NEB: variants seen among roughly 807,000 people sequenced by gnomAD.
NEB encodes the protein nemaline myopathy type 2.
NEB carries 512 observed loss-of-function variants against 952.2 expected under a neutral mutation model. The observed-to-expected ratio is 0.54, with a 90% CI of 0.50 to 0.58. The LOEUF is 0.58. NEB is among the 20% of genes least tolerant of loss of function. The probability of loss-of-function intolerance (pLI) is 0.00; values close to 1 mark genes in which losing one functional copy is unlikely to be tolerated. For missense variants in NEB, 8,428 were observed against 9,231.1 expected, an observed-to-expected ratio of 0.91 and a Z score of 3.56; for synonymous variants, 2,900 against 3,149.8, an observed-to-expected ratio of 0.92 and a Z score of 2.66.
Position 151,508,040 on chromosome 2 carries a change from G to C in NEB, c.23416C>G (p.Gln7806Glu), listed in dbSNP as rs750689059. The C allele has an allele frequency of 1.4e-5, 23 of 1,610,766 alleles. 1 individual carries two copies. The highest frequency in any genetic ancestry group is 8.0e-5 in the African/African-American group (6 of 74,862). ...YETVLDTPEIQRVRENQKNFS... is the reference protein window; with the variant it reads ...YETVLDTPEIERVRENQKNFS... ...TTCTTTTGGTTCTCCCGGACTCTCT[G>C]TATCTCTGGGGTGTCCAAAACAGTC... Residue 7806 changes from glutamine (Q) to glutamate (E), a missense_variant, in exon 162 of 182, where the codon CAG becomes GAG. Physicochemically the swap from Gln to Glu is conservative, Grantham distance 29. Transcript: ENST00000397345.
chr2:151,679,037 G>A (rs1234314858), intron 32 of NEB, among the ~76,000 whole-genome samples: 2 of 152,104 alleles, frequency 1.3e-5, no homozygotes, highest in Non-Finnish European at 2.9e-5. Flanking sequence ...GAGGAGACCC[G>A]CAGGAGGAGG....
intron 54 of NEB, among the ~76,000 whole-genome samples, chr2:151,648,410 C>G (rs966509453): frequency 2.0e-5 from 3 of 152,146 alleles, no homozygotes; most frequent in South Asian, 4.1e-4. Context: ...TTCTGCACTA[C>G]CCTTTTGGAT....
intron 173 of NEB, among the ~76,000 whole-genome samples, 198 bp from the exon 174 acceptor site, chr2:151,494,451 C>T (rs945753793): frequency 2.0e-5 from 3 of 152,118 alleles, no homozygotes; most frequent in Non-Finnish European, 4.4e-5. Context: ...GGCACCTGCC[C>T]TGAAACCCTT....
chr2:151,678,247 T>C (rs971575842), intron 32 of NEB, 60 bp from the exon 33 acceptor site: 17 of 1,099,460 alleles, frequency 1.5e-5, no homozygotes, highest in Middle Eastern at 5.6e-4. Flanking sequence ...TACTAAACAA[T>C]GAGGCCATGA....
intron 63 of NEB, 64 bp downstream of exon 63, chr2:151,639,216 T>C: frequency 8.0e-7 from 1 of 1,255,790 alleles, no homozygotes; most frequent in South Asian, 1.3e-5. Context: ...TGGTATCATG[T>C]CATCATAGAG....
In NEB at chr2:151,672,639, A is replaced by G. The variant is rs758866056; in HGVS notation, c.4029T>C (p.His1343=). The change falls in exon 37 of 182, where the codon CAT becomes CAC. Residue 1343 remains histidine (H), a synonymous_variant. Coordinates refer to ENST00000397345, the MANE Select transcript of NEB (RefSeq NM_001164508.2). ...KEAYEKSKGK[H]VGFRSLQDDP... ...CATCCTGGAGGCTTCTGAAACCCAC[A>G]TGCTTTCCCTTTGACTTCTCATAAG... 6.2e-7 allele frequency: 1 copy of G among 1,613,924 alleles called. No homozygotes were observed. Among genetic ancestry groups the G allele is most frequent in the Non-Finnish European group, 8.5e-7 (1 of 1,179,844 alleles).
chr2:151,650,843 C>T lies in NEB; in HGVS notation c.6958G>A (p.Val2320Ile). 1 of 1,613,642 alleles carries T rather than the reference C, an allele frequency of 6.2e-7. No individual in the cohort carries two copies. The highest frequency in any genetic ancestry group is 8.5e-7 in the Non-Finnish European group (1 of 1,179,644). ...QGYRKQLGHH[V>I]GFRSLQDDPK... ...TCATCTTGCAGACTCCGGAATCCAA[C>T]ATGGTGGCCAAGTTGCTTTCGGTAG... The change falls in exon 53 of 182, where the codon GTT (valine) becomes ATT (isoleucine). Residue 2320 changes from valine to isoleucine, a missense_variant. By Grantham distance (29) the Val-to-Ile change is conservative (BLOSUM62 3). Coordinates refer to ENST00000397345, the MANE Select transcript of NEB (RefSeq NM_001164508.2).
chr2:151,517,567 A>G (rs1490897536), intron 156 of NEB, among the ~76,000 whole-genome samples: 2 of 152,160 alleles, frequency 1.3e-5, no homozygotes, highest in African/African-American at 4.8e-5. Context: ...TTGTTATGCA[A>G]TTTCATCATT....
chr2:151,576,506 ATATATATATATTTTTTTTTTTTTTTT>A (rs1475513125), intron 105 of NEB, among the ~76,000 whole-genome samples, 152 bp from the exon 106 acceptor site: 61 of 43,526 alleles, frequency 1.4e-3, no homozygotes, highest in East Asian at 7.7e-3. Flanking sequence ...ATATATATAT[ATATATATATATTTTTTTTTTTTTTTT>A]TTTTTTTTTT....
intron 172 of NEB, 103 bp downstream of exon 172, chr2:151,496,838 C>G: frequency 7.6e-7 from 1 of 1,319,762 alleles, no homozygotes. Flanking sequence ...GAAAGAAGTT[C>G]ACAAAATTTG....
intron 144 of NEB, among the ~76,000 whole-genome samples, 156 bp downstream of exon 144, chr2:151,531,636 G>T (rs1007023068): frequency 6.6e-6 from 1 of 151,992 alleles, no homozygotes; most frequent in African/African-American, 2.4e-5. Context: ...CTTTATTGGG[G>T]AGGAGAATCC....
intron 127 of NEB, among the ~76,000 whole-genome samples, chr2:151,553,145 A>G (rs1400127354): frequency 6.6e-6 from 1 of 152,162 alleles, no homozygotes; most frequent in African/African-American, 2.4e-5. Context: ...TATATCCAAA[A>G]TAGCCTAAAA....
chr2:151,626,895 T>A (rs1299219987), intron 70 of NEB, 107 bp downstream of exon 70: 4 of 1,345,370 alleles, frequency 3.0e-6, no homozygotes, highest in African/African-American at 2.9e-5. Flanking sequence ...TCACTATACA[T>A]TGGATAGCAA....
In NEB at chr2:151,644,450, CA is replaced by C. The variant is rs2098928816; in HGVS notation, c.7644+17del. 1 of 1,586,130 alleles carries C rather than the reference CA, an allele frequency of 6.3e-7. No homozygotes were observed. The highest frequency in any genetic ancestry group is 8.7e-7 in the Non-Finnish European group (1 of 1,154,880). On this transcript the variant is annotated intron_variant, in intron 56 of 181. Transcript: ENST00000397345. ...TAAATTGCAATCAAATCAATATCAA[CA>C]GAGGATAAAATCTTACTTCACTGGC...
At position 151,710,766 on chromosome 2, in the gene NEB, C is replaced by T. The variant is rs138036522; in HGVS notation, c.823-228G>A. Among the ~76,000 whole-genome samples the T allele has an allele frequency of 2.8e-3, 421 of 152,262 alleles. 2 individuals are homozygous for T. The highest frequency in any genetic ancestry group is 9.8e-3 in the African/African-American group (407 of 41,542). On this transcript the variant is annotated intron_variant, in intron 10 of 181. Transcript: ENST00000397345. Reference sequence around the variant, plus strand: ...GAAAGAGGGTACTAACGCCCCCTCCCCTTGCTGAGTTTGGGGACTTCATTC... The same window carrying T: ...GAAAGAGGGTACTAACGCCCCCTCCTCTTGCTGAGTTTGGGGACTTCATTC...
At chr2:151,636,941 A>G (rs1377771924) in intron 63 of NEB, among the ~76,000 whole-genome samples, 2 of 152,242 alleles carry the variant, frequency 1.3e-5, no homozygotes, top group East Asian at 3.8e-4. Context: ...ATTACAGGAA[A>G]AATTAAGCTG....
chr2:151,524,947 T>A (rs1039378119), intron 151 of NEB, among the ~76,000 whole-genome samples: 1 of 152,170 alleles, frequency 6.6e-6, no homozygotes, highest in Non-Finnish European at 1.5e-5. Flanking sequence ...ATTATAGGCA[T>A]GAGCCACCAC....
intron 130 of NEB, among the ~76,000 whole-genome samples, chr2:151,548,795 A>G (rs561396121): frequency 6.6e-6 from 1 of 152,320 alleles, no homozygotes; most frequent in South Asian, 2.1e-4. Flanking sequence ...TTAACCAACC[A>G]TTTTAACACA....
Position 151,567,421 on chromosome 2 carries a change from A to G in NEB, c.17903T>C (p.Met5968Thr), listed in dbSNP as rs1438832105. ...CCAAACCAGCTTAGGATCATCTCTC[A>G]TCGTCGGGACACCAACATAATGACC... Reference protein sequence around the residue: ...QKGHYVGVPTMRDDPKLVWFE... With the variant: ...QKGHYVGVPTTRDDPKLVWFE... Residue 5968 changes from methionine to threonine, a missense_variant, in exon 114 of 182, where the codon ATG (methionine) becomes ACG (threonine). Met to Thr is a moderately conservative substitution (Grantham distance 81, BLOSUM62 -1). Transcript: ENST00000397345. 2 of 1,613,636 alleles carry G rather than the reference A, an allele frequency of 1.2e-6. No individual in the cohort carries two copies. The highest frequency in any genetic ancestry group is 1.7e-6 in the Non-Finnish European group (2 of 1,179,738).
Sources: gnomAD v4.1 joint callset for allele counts (sites outside exome capture counted in the v4.1 genomes callset) on GRCh38, gnomAD v4.1.1 for gene constraint, MANE v1.5 for transcripts, NCBI Gene and HGNC (gene_info 2026-07-23, HGNC 2026-07-21) for gene names.